USP10: variants seen among roughly 807,000 people sequenced by gnomAD.
USP10 encodes ubiquitin specific peptidase 10, also known as ubiquitin carboxyl-terminal hydrolase 10.
USP10 carries 22 observed loss-of-function variants against 84.5 expected under a neutral mutation model. The observed-to-expected ratio is 0.26, with a 90% CI of 0.19 to 0.37. The LOEUF (loss-of-function observed/expected upper bound fraction) is 0.37, where lower values mean the gene tolerates loss of function less well. USP10 is among the 10% of genes least tolerant of loss of function. The pLI is 1.00. For synonymous variants in USP10, 454 were observed against 387.6 expected, an observed-to-expected ratio of 1.17 and a Z score of -2.01; for missense variants, 1,019 against 998.9, an observed-to-expected ratio of 1.02 and a Z score of -0.27.
chr16:84,717,938 G>A (rs1907263481), intron 1 of USP10, among the ~76,000 whole-genome samples: 1 of 152,188 alleles, frequency 6.6e-6, no homozygotes. Context: ...AGAAATTTGG[G>A]ATTCGTGATC....
At chr16:84,701,179 C>T (rs1249803602) in intron 1 of USP10, among the ~76,000 whole-genome samples, 2 of 152,168 alleles carry the variant, frequency 1.3e-5, no homozygotes, top group African/African-American at 4.8e-5. Context: ...CTGACTACAC[C>T]TCTTTTGAAA....
chr16:84,757,842 G>C (rs757035564), intron 4 of USP10, among the ~76,000 whole-genome samples: 14 of 152,074 alleles, frequency 9.2e-5, no homozygotes, highest in Non-Finnish European at 1.5e-4. Context: ...TTGGTGAAAG[G>C]GTCAAAGTGG....
At chr16:84,726,215 CT>C (rs369429954) in intron 1 of USP10, among the ~76,000 whole-genome samples, 30 of 152,354 alleles carry the variant, frequency 2.0e-4, no homozygotes, top group African/African-American at 7.2e-4. Flanking sequence ...GCAGCGCCCC[CT>C]AGTGCCGTGC....
intron 1 of USP10, among the ~76,000 whole-genome samples, chr16:84,714,670 T>G (rs777819837): frequency 5.3e-5 from 8 of 152,138 alleles, no homozygotes; most frequent in Non-Finnish European, 1.0e-4. Flanking sequence ...TGGTCCAATT[T>G]TTAGTTGTTA....
At chr16:84,773,514 C>G (rs1221251838) in intron 12 of USP10, among the ~76,000 whole-genome samples, 1 of 152,134 alleles carries the variant, frequency 6.6e-6, no homozygotes, top group African/African-American at 2.4e-5. Flanking sequence ...CCCTGTCTAC[C>G]CTAGGGGCGC....
intron 1 of USP10, among the ~76,000 whole-genome samples, chr16:84,729,285 A>G (rs1203286698): frequency 6.6e-6 from 1 of 152,256 alleles, no homozygotes; most frequent in East Asian, 1.9e-4. Flanking sequence ...CTTTGCCAAG[A>G]AAGAAATATT....
intron 1 of USP10, chr16:84,732,718 G>C (rs1311476537): frequency 1.0e-5 from 3 of 300,888 alleles, no homozygotes; most frequent in Non-Finnish European, 1.9e-5. Context: ...AGAGTGCTGG[G>C]ATTATAGGCG....
intron 1 of USP10, among the ~76,000 whole-genome samples, chr16:84,729,905 C>T (rs1483773490): frequency 2.6e-5 from 4 of 152,084 alleles, no homozygotes; most frequent in Admixed American, 2.0e-4. Context: ...TATTTTTTTG[C>T]GTGACATGTT....
chr16:84,735,226 TGTGTGTGTGTG>T (rs1439281150), intron 2 of USP10, among the ~76,000 whole-genome samples: 3 of 150,724 alleles, frequency 2.0e-5, no homozygotes, highest in African/African-American at 7.3e-5. Context: ...TGTGTGTGTG[TGTGTGTGTGTG>T]GTGTGTGTGT....
At chr16:84,773,082 C>T (rs1213288936) in intron 12 of USP10, among the ~76,000 whole-genome samples, 3 of 152,000 alleles carry the variant, frequency 2.0e-5, no homozygotes, top group African/African-American at 4.8e-5. Flanking sequence ...AGTGAGAGTC[C>T]CTTCTAACCT....
chr16:84,741,648 T>C (rs1289219195), intron 3 of USP10, among the ~76,000 whole-genome samples: 1 of 152,192 alleles, frequency 6.6e-6, no homozygotes, highest in Non-Finnish European at 1.5e-5. Flanking sequence ...CTCCATTCTT[T>C]ACTCTGTTCC....
chr16:84,761,974 G>T (rs1913260475), intron 8 of USP10, among the ~76,000 whole-genome samples: 1 of 152,384 alleles, frequency 6.6e-6, no homozygotes, highest in Non-Finnish European at 1.5e-5. Context: ...CTACTATCTG[G>T]AGAGGGCAAG....
chr16:84,702,089 C>G (rs1254751023), intron 1 of USP10, among the ~76,000 whole-genome samples: 2 of 109,830 alleles, frequency 1.8e-5, no homozygotes, highest in Admixed American at 2.8e-4. Context: ...GGGAGTCTTG[C>G]TCTGTCGCCC....
chr16:84,710,024 C>G (rs1906068241), intron 1 of USP10, among the ~76,000 whole-genome samples: 2 of 152,158 alleles, frequency 1.3e-5, no homozygotes, highest in African/African-American at 4.8e-5. Flanking sequence ...AATCCCAGCA[C>G]TTTGGGAGAC....
At chr16:84,722,242 T>C (rs932804662) in intron 1 of USP10, among the ~76,000 whole-genome samples, 2 of 152,176 alleles carry the variant, frequency 1.3e-5, no homozygotes, top group Non-Finnish European at 2.9e-5. Context: ...GACCCAACTA[T>C]TTAGATTTAG....
At chr16:84,710,738 C>T (rs572762595) in intron 1 of USP10, among the ~76,000 whole-genome samples, 1 of 152,238 alleles carries the variant, frequency 6.6e-6, no homozygotes, top group Non-Finnish European at 1.5e-5. Flanking sequence ...GGTTTGTGAT[C>T]CTCGAGTGCC....
intron 11 of USP10, 109 bp downstream of exon 11, chr16:84,768,467 C>G: frequency 9.0e-7 from 1 of 1,114,584 alleles, no homozygotes; most frequent in Non-Finnish European, 1.2e-6. Flanking sequence ...CCTCTTAAAT[C>G]AGTTGCTTAA....
chr16:84,778,833 G>T (rs753569021), intron 13 of USP10, 62 bp from the exon 14 acceptor site: 9 of 1,511,940 alleles, frequency 6.0e-6, no homozygotes, highest in Non-Finnish European at 8.1e-6. Flanking sequence ...AGTCGGCGGA[G>T]ACCTGTAATG....
chr16:84,721,102 G>T (rs1447394027), intron 1 of USP10, among the ~76,000 whole-genome samples: 1 of 151,994 alleles, frequency 6.6e-6, no homozygotes, highest in Non-Finnish European at 1.5e-5. Flanking sequence ...CCACTGGCCA[G>T]GCTGGTCTTG....
Sources: gnomAD v4.1 joint callset for allele counts (sites outside exome capture counted in the v4.1 genomes callset) on GRCh38, gnomAD v4.1.1 for gene constraint, MANE v1.5 for transcripts, NCBI Gene and HGNC (gene_info 2026-07-23, HGNC 2026-07-21) for gene names.